The following CDH4 variants were observed in gnomAD, a reference collection of about 807,000 sequenced individuals.
The protein encoded by CDH4 is cadherin-4.
Under a neutral mutation model 86.0 loss-of-function variants are expected in CDH4, and 33 were observed. The observed-to-expected ratio is 0.38, with a 90% CI of 0.29 to 0.51. The LOEUF (loss-of-function observed/expected upper bound fraction) is 0.51, where lower values mean the gene tolerates loss of function less well. Ranked by LOEUF, CDH4 falls within the 20% of genes least tolerant of loss-of-function variation. The pLI is 0.86. For missense variants in CDH4, 1,114 were observed against 1,307.4 expected (o/e 0.85, Z 2.28); for synonymous variants, 555 against 549.4 (o/e 1.01, Z -0.14).
At chr20:61,687,063 G>A (rs1487171468) in intron 2 of CDH4, among the ~76,000 whole-genome samples, 1 of 152,016 alleles carries the variant, frequency 6.6e-6, no homozygotes, top group African/African-American at 2.4e-5. Flanking sequence ...GATTTCCAAG[G>A]ACGGTGGCAG....
chr20:61,744,878 C>T (rs897022426), intron 3 of CDH4, among the ~76,000 whole-genome samples: 9 of 152,222 alleles, frequency 5.9e-5, no homozygotes, highest in East Asian at 1.9e-4. Context: ...AGTGTCCTGG[C>T]GTTGGTTGCA....
rs763848877 is a variant in CDH4 at position 61,923,711 on chromosome 20, G to A, written c.1628+7G>A. 1.2e-6 allele frequency: 2 copies of A among 1,612,202 alleles called. No homozygotes were observed. Among genetic ancestry groups the A allele is most frequent in the African/African-American group, 1.3e-5 (1 of 74,928 alleles). On this transcript the variant is annotated splice_region_variant and intron_variant, in intron 10 of 15. Coordinates refer to ENST00000614565, the MANE Select transcript of CDH4 (RefSeq NM_001794.5). ...TCATGCAGCAGGCTGTGAGGTGGGT[G>A]CACAGGACATGCCTCGTCCCTGCCT... is the stretch of plus-strand genomic sequence containing the variant.
chr20:61,927,029 G>A (rs375489828), intron 11 of CDH4, among the ~76,000 whole-genome samples: 32 of 152,228 alleles, frequency 2.1e-4, no homozygotes, highest in Non-Finnish European at 3.1e-4. Flanking sequence ...CTCCGATCAC[G>A]TGCCGTGCCA....
intron 2 of CDH4, among the ~76,000 whole-genome samples, chr20:61,329,945 T>C (rs557688729): frequency 7.2e-4 from 108 of 150,580 alleles, no homozygotes; most frequent in African/African-American, 2.6e-3. Context: ...GTGTTTGGTT[T>C]TCTGTTCCTG....
At chr20:61,555,871 C>T (rs1427925073) in intron 2 of CDH4, among the ~76,000 whole-genome samples, 1 of 152,220 alleles carries the variant, frequency 6.6e-6, no homozygotes, top group Non-Finnish European at 1.5e-5. Context: ...AGGATTCACA[C>T]GGTTTCTAGT....
At chr20:61,744,939 G>A (rs1442086953) in intron 3 of CDH4, among the ~76,000 whole-genome samples, 1 of 152,222 alleles carries the variant, frequency 6.6e-6, no homozygotes, top group Non-Finnish European at 1.5e-5. Flanking sequence ...GCTGCAACCA[G>A]GCGGCCTGTG....
chr20:61,530,526 A>G (rs954744101), intron 2 of CDH4, among the ~76,000 whole-genome samples: 7 of 152,146 alleles, frequency 4.6e-5, no homozygotes, highest in Non-Finnish European at 8.8e-5. Flanking sequence ...TGTACTGGGA[A>G]GTAGCCTCTT....
At chr20:61,858,304 T>A (rs909592658) in intron 6 of CDH4, among the ~76,000 whole-genome samples, 3 of 151,836 alleles carry the variant, frequency 2.0e-5, no homozygotes, top group Middle Eastern at 3.2e-3. Context: ...TGTGTCTCTG[T>A]GTCTGTATGT....
chr20:61,608,841 C>T (rs1337646118), intron 2 of CDH4, among the ~76,000 whole-genome samples: 1 of 152,184 alleles, frequency 6.6e-6, no homozygotes, highest in Non-Finnish European at 1.5e-5. Flanking sequence ...AGCACGACCT[C>T]CTAGATCACA....
chr20:61,741,345 C>T (rs142542729), intron 2 of CDH4, among the ~76,000 whole-genome samples: 5 of 152,214 alleles, frequency 3.3e-5, no homozygotes, highest in African/African-American at 9.6e-5. Flanking sequence ...AGGGTCTCTC[C>T]GGCAGGGAAC....
chr20:61,929,041 T>C (rs112714936), intron 12 of CDH4, among the ~76,000 whole-genome samples: 3 of 152,388 alleles, frequency 2.0e-5, no homozygotes, highest in African/African-American at 7.2e-5. Context: ...TCAATGACTT[T>C]GCCTATGTTT....
At position 61,582,142 on chromosome 20, in the gene CDH4, G is replaced by T. The variant is rs1275118535; in HGVS notation, c.170-161421G>T. ...ATTGGCGGCATGCTGCCCATGCCTT[G>T]TGTGTGCACGGAGACTTTCCTGTCC... On this transcript the variant is annotated intron_variant, in intron 2 of 15. Coordinates refer to ENST00000614565, the MANE Select transcript of CDH4 (RefSeq NM_001794.5). The surrounding 1 kb of genome is among the most constrained non-coding windows in gnomAD (Gnocchi z 4.2). Among the ~76,000 whole-genome samples, 1 of 152,216 alleles carries T rather than the reference G, an allele frequency of 6.6e-6. No individual in the cohort carries two copies. The highest frequency in any genetic ancestry group is 1.5e-5 in the Non-Finnish European group (1 of 68,036).
At chr20:61,893,281 G>T (rs1003671500) in intron 7 of CDH4, among the ~76,000 whole-genome samples, 2 of 6,400 alleles carry the variant, frequency 3.1e-4, no homozygotes, top group Admixed American at 1.7e-3. Context: ...TGGATGGGTG[G>T]GTAAATAGAG....
chr20:61,449,099 CCA>C (rs1555851532), intron 2 of CDH4, among the ~76,000 whole-genome samples: 1 of 152,162 alleles, frequency 6.6e-6, no homozygotes, highest in African/African-American at 2.4e-5. Context: ...TGGCACCTGC[CCA>C]CTGTGTGCAG....
At chr20:61,547,198 C>CT (rs779375514) in intron 2 of CDH4, among the ~76,000 whole-genome samples, 12,670 of 93,466 alleles carry the variant, frequency 0.14, 1,383 homozygotes, top group African/African-American at 0.21. Context: ...CCCCAGAGCT[C>CT]TTTTTTTTTT....
intron 4 of CDH4, among the ~76,000 whole-genome samples, chr20:61,802,609 T>G (rs1173076661): frequency 6.6e-6 from 1 of 151,904 alleles, no homozygotes; most frequent in Non-Finnish European, 1.5e-5. Context: ...CACGCGTGGG[T>G]TTTTCGCTTG....
intron 4 of CDH4, among the ~76,000 whole-genome samples, chr20:61,836,753 C>A (rs1480626748): frequency 2.0e-5 from 3 of 152,238 alleles, no homozygotes; most frequent in Non-Finnish European, 2.9e-5. Flanking sequence ...CCGAATCTTG[C>A]TGGTTATCCA....
intron 2 of CDH4, among the ~76,000 whole-genome samples, chr20:61,286,966 G>T (rs1230831683): frequency 6.6e-6 from 1 of 152,198 alleles, no homozygotes; most frequent in Non-Finnish European, 1.5e-5. Context: ...CTTCTCAATG[G>T]TGCTTCCTGG....
In CDH4 at chr20:61,523,508, G is replaced by A. The variant is rs137996142; in HGVS notation, c.170-220055G>A. ...CCAAAACCTTCCATGGAGGCCTCTT[G>A]TAAATCTTCCTCCCTCTGGCAGCCT... is the stretch of plus-strand genomic sequence containing the variant. On this transcript the variant is annotated intron_variant, in intron 2 of 15. Coordinates refer to ENST00000614565, the MANE Select transcript of CDH4 (RefSeq NM_001794.5). 4.6e-5 allele frequency among the ~76,000 whole-genome samples: 7 copies of A among 152,350 alleles called. No individual in the cohort carries two copies. The East Asian group carries it at 7.7e-4, about 17-fold the overall frequency.
Sources: gnomAD v4.1 joint callset for allele counts (sites outside exome capture counted in the v4.1 genomes callset) on GRCh38, gnomAD v4.1.1 for gene constraint, Gnocchi (gnomAD v3.1) non-coding constraint, MANE v1.5 for transcripts, NCBI Gene and HGNC (gene_info 2026-07-23, HGNC 2026-07-21) for gene names.